The following SAMD5 variants were observed in gnomAD, a reference collection of about 807,000 sequenced individuals.
SAMD5 encodes sterile alpha motif domain-containing protein 5.
In SAMD5, 13 loss-of-function variants were observed where a neutral mutation model predicts 11.3. The ratio of observed to expected loss-of-function variants is 1.15; its 90% confidence interval spans 0.75 to 1.83. SAMD5 has a LOEUF of 1.83. Among genes scored for constraint, SAMD5 ranks in the 40% most tolerant of loss-of-function variants. SAMD5 has a pLI of 0.00. For missense variants in SAMD5, 255 were observed against 239.1 expected (o/e 1.07, Z -0.44); for synonymous variants, 129 against 111.3 (o/e 1.16, Z -1.00).
the SAMD5 span, among the ~76,000 whole-genome samples, chr6:147,824,678 T>A: frequency 7.9e-5 from 12 of 152,210 alleles, no homozygotes; most frequent in Non-Finnish European, 1.6e-4. Context: ...TTTCTGAATT[T>A]TAAATGTAAA....
At chr6:147,729,357 A>G (rs1490438311) in intron 1 of SAMD5, among the ~76,000 whole-genome samples, 2 of 152,188 alleles carry the variant, frequency 1.3e-5, no homozygotes, top group African/African-American at 4.8e-5. Context: ...TATTTTCACT[A>G]CTGTCTAAGA....
chr6:147,886,250 G>A, the SAMD5 span, among the ~76,000 whole-genome samples: 17 of 152,136 alleles, frequency 1.1e-4, no homozygotes, highest in Non-Finnish European at 1.9e-4. Flanking sequence ...TGCATTCGAT[G>A]TAATTGAATA....
At chr6:147,871,543 G>T in the SAMD5 span, among the ~76,000 whole-genome samples, 1 of 152,176 alleles carries the variant, frequency 6.6e-6, no homozygotes, top group Non-Finnish European at 1.5e-5. Context: ...AGGAAAGAGA[G>T]ATACAAAGGT....
chr6:147,788,895 A>C, the SAMD5 span, among the ~76,000 whole-genome samples: 256 of 152,116 alleles, frequency 1.7e-3, 1 homozygote, highest in African/African-American at 6.0e-3. Flanking sequence ...CATCCTGGCT[A>C]ACACGGTGAA....
intron 1 of SAMD5, among the ~76,000 whole-genome samples, chr6:147,531,636 T>C (rs1446105473): frequency 6.6e-6 from 1 of 152,188 alleles, no homozygotes; most frequent in Non-Finnish European, 1.5e-5. Context: ...TCAGAACTTA[T>C]TACTCATTAT....
At chr6:147,614,533 A>G (rs1789837553) in intron 1 of SAMD5, among the ~76,000 whole-genome samples, 1 of 151,984 alleles carries the variant, frequency 6.6e-6, no homozygotes, top group South Asian at 2.1e-4. Context: ...ACGTGGAAGA[A>G]TCTCAGAACT....
chr6:147,649,790 C>CAA (rs34595414), intron 1 of SAMD5, among the ~76,000 whole-genome samples: 1,943 of 106,348 alleles, frequency 0.018, 55 homozygotes, highest in African/African-American at 0.068. Context: ...GACAACGTCT[C>CAA]AAAAAAAAAA....
chr6:147,905,978 C>T, the SAMD5 span, among the ~76,000 whole-genome samples: 2 of 152,162 alleles, frequency 1.3e-5, no homozygotes, highest in African/African-American at 4.8e-5. Flanking sequence ...GTTGTCTCAG[C>T]ACCTGGTCCA....
At chr6:147,693,693 C>CG (rs1791135539) in intron 1 of SAMD5, among the ~76,000 whole-genome samples, 2 of 152,054 alleles carry the variant, frequency 1.3e-5, no homozygotes, top group African/African-American at 4.8e-5. Flanking sequence ...GGGCCGGGCG[C>CG]GGTGGCTCAT....
intron 1 of SAMD5, among the ~76,000 whole-genome samples, chr6:147,548,452 T>C (rs1788719187): frequency 6.6e-6 from 1 of 152,358 alleles, no homozygotes; most frequent in Non-Finnish European, 1.5e-5. Context: ...CAGAATTATG[T>C]GTTCCCTGTT....
chr6:147,631,971 G>A (rs1401100257), intron 1 of SAMD5, among the ~76,000 whole-genome samples: 2 of 152,168 alleles, frequency 1.3e-5, no homozygotes, highest in African/African-American at 4.8e-5. Context: ...AATAGAATGG[G>A]GCTATGAGGA....
At chr6:147,709,930 A>G (rs1467221359) in intron 1 of SAMD5, among the ~76,000 whole-genome samples, 1 of 152,132 alleles carries the variant, frequency 6.6e-6, no homozygotes, top group African/African-American at 2.4e-5. Context: ...GCTTCTGCCT[A>G]AAACTGTGCA....
Position 147,645,232 on chromosome 6 carries a change from C to T in SAMD5, c.163-92085C>T, listed in dbSNP as rs530073842. On this transcript the variant is annotated intron_variant, in intron 1 of 1. Coordinates refer to the SAMD5 transcript ENST00000566741. The stretch of plus-strand genomic sequence containing the variant: ...GGCATGTGCAAGGAGGGATGACAAT[C>T]GCCACTTGGGGGTCACTGGGCCTGA... 5.9e-5 allele frequency among the ~76,000 whole-genome samples: 9 copies of T among 152,220 alleles called. No homozygotes were observed. In the South Asian group the frequency reaches 6.2e-4, roughly 11 times the overall value.
chr6:147,571,867 G>A (rs1789143210), downstream of SAMD5, among the ~76,000 whole-genome samples: 1 of 152,120 alleles, frequency 6.6e-6, no homozygotes, highest in African/African-American at 2.4e-5. Flanking sequence ...AGCTGTCTAA[G>A]TCACTTCCTT....
chr6:147,527,518 G>A (rs1054858121), intron 1 of SAMD5, among the ~76,000 whole-genome samples: 1 of 152,088 alleles, frequency 6.6e-6, no homozygotes, highest in Non-Finnish European at 1.5e-5. Flanking sequence ...CCAGCACTGG[G>A]GATTACAATT....
intron 1 of SAMD5, among the ~76,000 whole-genome samples, chr6:147,717,161 C>T (rs1234647868): frequency 2.0e-5 from 3 of 152,218 alleles, no homozygotes; most frequent in Non-Finnish European, 2.9e-5. Flanking sequence ...ATAGCCTATA[C>T]AGTACCTAGG....
At chr6:147,667,875 T>G (rs1241931078) in intron 1 of SAMD5, among the ~76,000 whole-genome samples, 1 of 152,218 alleles carries the variant, frequency 6.6e-6, no homozygotes, top group Non-Finnish European at 1.5e-5. Flanking sequence ...ACTTTCAGAT[T>G]TTGTACTGCT....
At chr6:147,801,849 T>C in the SAMD5 span, among the ~76,000 whole-genome samples, 1 of 152,198 alleles carries the variant, frequency 6.6e-6, no homozygotes, top group Non-Finnish European at 1.5e-5. Context: ...GGTGTTGGCA[T>C]AACTAAATAT....
chr6:147,900,282 G>A, the SAMD5 span, among the ~76,000 whole-genome samples: 30 of 152,300 alleles, frequency 2.0e-4, no homozygotes, highest in African/African-American at 6.3e-4. Flanking sequence ...CTCACATGAA[G>A]CAGAGATGAT....
Sources: allele counts gnomAD v4.1 joint callset (sites outside exome capture counted in the v4.1 genomes callset), GRCh38; gene constraint gnomAD v4.1.1; transcripts MANE v1.5; gene names NCBI Gene and HGNC (gene_info 2026-07-23, HGNC 2026-07-21).